The following ANK2 variants were observed in gnomAD, a reference collection of about 807,000 sequenced individuals.
ANK2 encodes ankyrin 2, also known as ankyrin-2.
In ANK2, 83 loss-of-function variants were observed where a neutral mutation model predicts 360.5. That is an observed-to-expected ratio of 0.23 (90% confidence interval 0.19 to 0.28). The LOEUF (loss-of-function observed/expected upper bound fraction) is 0.28, where lower values mean the gene tolerates loss of function less well. Ranked by LOEUF, ANK2 falls within the 10% of genes least tolerant of loss-of-function variation. The probability of loss-of-function intolerance (pLI) is 1.00; values close to 1 mark genes in which losing one functional copy is unlikely to be tolerated. For synonymous variants in ANK2, 1,740 were observed against 1,759.5 expected, an observed-to-expected ratio of 0.99 and a Z score of 0.28; for missense variants, 4,201 against 4,795.7, an observed-to-expected ratio of 0.88 and a Z score of 3.66.
intron 2 of ANK2, among the ~76,000 whole-genome samples, chr4:113,190,378 C>T (rs987588118): frequency 3.7e-4 from 56 of 151,882 alleles, no homozygotes; most frequent in African/African-American, 1.2e-3. Context: ...CCAAAGTGCT[C>T]GGATTATAAG....
chr4:113,135,646 A>G (rs374802721), intron 1 of ANK2, among the ~76,000 whole-genome samples: 25 of 152,130 alleles, frequency 1.6e-4, no homozygotes, highest in East Asian at 1.2e-3. Context: ...GTTTATAGTG[A>G]CACTGATGGA....
intron 1 of ANK2, among the ~76,000 whole-genome samples, chr4:113,165,245 A>G (rs1562550341): frequency 6.6e-6 from 1 of 152,192 alleles, no homozygotes; most frequent in African/African-American, 2.4e-5. Flanking sequence ...TCATTATTTT[A>G]TACCCAATTA....
Position 113,336,583 on chromosome 4 carries a change from C to T in ANK2, c.3598C>T (p.Pro1200Ser). ...GTGTTTTTACTTTGAAAAGGCTCAACCTATGCACAGTGAGCTGGTTAAGAA... is the reference window on the plus strand; with the variant it reads ...GTGTTTTTACTTTGAAAAGGCTCAATCTATGCACAGTGAGCTGGTTAAGAA... Reference protein sequence around the residue: ...KRIRVGLQAQPMHSELVKKIL... With the variant: ...KRIRVGLQAQSMHSELVKKIL... The change falls in exon 31 of 46, where the codon CCT becomes TCT. Residue 1200 changes from proline (P) to serine (S), a missense_variant. Physicochemically the swap from Pro to Ser is moderately conservative, Grantham distance 74. This residue lies in a region of ANK2 where 1,268 missense variants were observed against 1,650.8 expected (regional missense o/e 0.77). Coordinates refer to ENST00000357077, the MANE Select transcript of ANK2 (RefSeq NM_001148.6). 1 of 1,613,870 alleles carries T rather than the reference C, an allele frequency of 6.2e-7. No homozygotes were observed. Among genetic ancestry groups the T allele is most frequent in the Non-Finnish European group, 8.5e-7 (1 of 1,179,890 alleles).
chr4:112,736,218 T>TC, the ANK2 span, among the ~76,000 whole-genome samples: 1 of 151,864 alleles, frequency 6.6e-6, no homozygotes, highest in South Asian at 2.1e-4. Flanking sequence ...ATCCCAGCAG[T>TC]TTGGGAGGCC....
intron 2 of ANK2, among the ~76,000 whole-genome samples, chr4:112,908,769 G>A (rs1442559749): frequency 1.3e-5 from 2 of 152,196 alleles, no homozygotes; most frequent in African/African-American, 2.4e-5. Context: ...TAAGTCTGGC[G>A]CATTGATTGG....
chr4:112,791,755 T>A, the ANK2 span, among the ~76,000 whole-genome samples: 1 of 152,036 alleles, frequency 6.6e-6, no homozygotes, highest in Non-Finnish European at 1.5e-5. Flanking sequence ...CCTCCCAAAG[T>A]GCTGGGATTA....
At chr4:112,795,077 T>G in the ANK2 span, among the ~76,000 whole-genome samples, 3 of 152,354 alleles carry the variant, frequency 2.0e-5, no homozygotes, top group African/African-American at 7.2e-5. Flanking sequence ...TAATTTGACT[T>G]CTTTTGGATT....
At chr4:113,145,953 C>G in intron 1 of ANK2, 1 of 1,289,792 alleles carries the variant, frequency 7.8e-7, no homozygotes, top group South Asian at 1.2e-5. Flanking sequence ...GGATAAAACC[C>G]CAGACTACTA....
chr4:112,850,121 G>C (rs1196475243), intron 1 of ANK2, among the ~76,000 whole-genome samples: 1 of 152,110 alleles, frequency 6.6e-6, no homozygotes, highest in Non-Finnish European at 1.5e-5. Flanking sequence ...CAAACTGAGA[G>C]TTACACTATC....
the ANK2 span, among the ~76,000 whole-genome samples, chr4:112,772,116 C>T: frequency 1.3e-5 from 2 of 152,070 alleles, no homozygotes; most frequent in Admixed American, 6.6e-5. Flanking sequence ...TCCATTTTCA[C>T]GCTGCTGATA....
chr4:113,198,862 A>C (rs1344509864), intron 3 of ANK2, 149 bp from the exon 4 acceptor site: 4 of 665,954 alleles, frequency 6.0e-6, no homozygotes, highest in Non-Finnish European at 1.0e-5. Context: ...ATGGTAAAAA[A>C]TAATCTCTTC....
At chr4:112,768,951 T>C in the ANK2 span, among the ~76,000 whole-genome samples, 1 of 152,214 alleles carries the variant, frequency 6.6e-6, no homozygotes, top group South Asian at 2.1e-4. Flanking sequence ...ACAATAATAC[T>C]GCCTAACAAA....
intron 1 of ANK2, among the ~76,000 whole-genome samples, chr4:112,881,386 A>C (rs1430982825): frequency 6.6e-6 from 1 of 152,220 alleles, no homozygotes; most frequent in African/African-American, 2.4e-5. Flanking sequence ...CAGTGAGCTG[A>C]GATTGTGCCA....
chr4:113,117,442 C>CTCT (rs1325387387), intron 1 of ANK2: 1 of 455,960 alleles, frequency 2.2e-6, no homozygotes, highest in Non-Finnish European at 4.4e-6. Flanking sequence ...CCTTTTAACC[C>CTCT]TCTTTCTCTG....
At chr4:112,994,119 A>G (rs2047752853) in intron 2 of ANK2, among the ~76,000 whole-genome samples, 1 of 152,222 alleles carries the variant, frequency 6.6e-6, no homozygotes, top group Non-Finnish European at 1.5e-5. Context: ...TTTGGATCTG[A>G]ATGGAGCACT....
intron 2 of ANK2, among the ~76,000 whole-genome samples, chr4:112,909,995 GTTAA>G (rs776190552): frequency 2.6e-4 from 39 of 152,218 alleles, no homozygotes; most frequent in Non-Finnish European, 5.0e-4. Context: ...TAAAATTTGT[GTTAA>G]TTATTATTAA....
intron 1 of ANK2, among the ~76,000 whole-genome samples, chr4:113,135,449 T>A (rs1029804289): frequency 4.6e-5 from 7 of 151,470 alleles, no homozygotes; most frequent in Admixed American, 2.0e-4. Context: ...AAGAGTGGAA[T>A]GAAAGGAGCT....
chr4:112,893,256 A>G (rs540618761), intron 1 of ANK2, among the ~76,000 whole-genome samples: 1 of 152,278 alleles, frequency 6.6e-6, no homozygotes, highest in South Asian at 2.1e-4. Flanking sequence ...CAAACCCAAG[A>G]GATCCTCTCA....
Position 112,891,060 on chromosome 4 carries a change from C to T in ANK2, c.-39-13395C>T, listed in dbSNP as rs140505990. On this transcript the variant is annotated intron_variant, in intron 1 of 30. Transcript: ENST00000503271. ...TGTTCCAGGTGTAAAGTTACTGTTC[C>T]AGGTATTTTCCTGTGTAATGTCATT... Among the ~76,000 whole-genome samples the T allele has an allele frequency of 1.1e-3, 166 of 152,162 alleles. 1 individual carries two copies. Among genetic ancestry groups the T allele is most frequent in the African/African-American group, 3.9e-3 (162 of 41,524 alleles).
Sources: allele counts gnomAD v4.1 joint callset (sites outside exome capture counted in the v4.1 genomes callset), GRCh38; gene constraint gnomAD v4.1.1; regional missense constraint gnomAD v4.1.1; transcripts MANE v1.5; gene names NCBI Gene and HGNC (gene_info 2026-07-23, HGNC 2026-07-21).